Variants in PTPRT observed in about 807,000 individuals in gnomAD.
PTPRT encodes protein tyrosine phosphatase receptor type T, also known as receptor-type tyrosine-protein phosphatase T.
A neutral mutation model predicts 176.8 loss-of-function variants in PTPRT; 56 were observed. The observed-to-expected ratio is 0.32, with a 90% CI of 0.26 to 0.40. The LOEUF (loss-of-function observed/expected upper bound fraction) is 0.40. PTPRT is among the 10% of genes least tolerant of loss of function. PTPRT has a pLI of 1.00. For missense variants in PTPRT, 1,540 were observed against 1,908.2 expected (o/e 0.81, Z 3.60); for synonymous variants, 783 against 739.0 (o/e 1.06, Z -0.96).
intron 7 of PTPRT, among the ~76,000 whole-genome samples, chr20:42,635,431 G>A (rs1029628502): frequency 5.9e-5 from 9 of 152,076 alleles, no homozygotes; most frequent in East Asian, 3.9e-4. Context: ...GATGAAATTC[G>A]TGAACAAGAA....
chr20:42,877,552 T>A (rs2078953949), intron 2 of PTPRT, among the ~76,000 whole-genome samples: 2 of 152,166 alleles, frequency 1.3e-5, no homozygotes, highest in African/African-American at 4.8e-5. Flanking sequence ...GAGGGGGCAC[T>A]GAGGCTCAAG....
At chr20:42,381,742 C>T (rs181774661) in intron 9 of PTPRT, among the ~76,000 whole-genome samples, 90 of 152,196 alleles carry the variant, frequency 5.9e-4, no homozygotes, top group African/African-American at 2.0e-3. Context: ...GTAAATGACC[C>T]GATTAGTCTT....
At chr20:42,225,409 C>T (rs1034796591) in intron 15 of PTPRT, among the ~76,000 whole-genome samples, 1 of 152,166 alleles carries the variant, frequency 6.6e-6, no homozygotes, top group Non-Finnish European at 1.5e-5. Context: ...TCCCATTTTA[C>T]AGATGAGAAA....
chr20:42,233,465 CCTACCAGACTAGG>C (rs6147351), intron 15 of PTPRT, among the ~76,000 whole-genome samples: 47,696 of 151,984 alleles, frequency 0.31, 8,647 homozygotes, highest in East Asian at 0.38. Flanking sequence ...GATAATGGTA[CCTACCAGACTAGG>C]CTATTCGGAG....
At chr20:42,442,133 T>C (rs1601031896) in intron 9 of PTPRT, among the ~76,000 whole-genome samples, 2 of 152,318 alleles carry the variant, frequency 1.3e-5, no homozygotes, top group Non-Finnish European at 2.9e-5. Flanking sequence ...AGGAACCTTC[T>C]CTGGGCCTCT....
rs902093394 is a variant in PTPRT at position 42,530,475 on chromosome 20, T to C, written c.1154-57913A>G. Among the ~76,000 whole-genome samples the C allele has an allele frequency of 2.6e-5, 4 of 152,290 alleles. No individual in the cohort carries two copies. The South Asian group carries it at 6.2e-4, about 24-fold the overall frequency. The stretch of plus-strand genomic sequence containing the variant: ...GGAGGTATAAACTGCTGCGTGAGCA[T>C]TGAATCTAAAACAGTTAGCTTAGCC... On this transcript the variant is annotated intron_variant, in intron 7 of 30. Transcript: ENST00000373187.
At chr20:43,098,106 C>T (rs371171111) in intron 1 of PTPRT, among the ~76,000 whole-genome samples, 1 of 152,170 alleles carries the variant, frequency 6.6e-6, no homozygotes, top group South Asian at 2.1e-4. Context: ...CAGAGCCAGC[C>T]GGCCCAGCCA....
At chr20:42,286,503 G>A (rs2057232628) in intron 12 of PTPRT, among the ~76,000 whole-genome samples, 1 of 151,816 alleles carries the variant, frequency 6.6e-6, no homozygotes, top group South Asian at 2.1e-4. Context: ...TCTTCAATAA[G>A]TGGTGCTAAG....
At chr20:42,274,498 C>A (rs2056992330) in intron 13 of PTPRT, among the ~76,000 whole-genome samples, 1 of 150,156 alleles carries the variant, frequency 6.7e-6, no homozygotes, top group African/African-American at 2.5e-5. Context: ...TTTGAGGATT[C>A]ATTACCCTTC....
chr20:42,423,926 G>A (rs1178768616), intron 9 of PTPRT, among the ~76,000 whole-genome samples: 5 of 151,970 alleles, frequency 3.3e-5, no homozygotes, highest in African/African-American at 1.2e-4. Flanking sequence ...CAGGTACTAG[G>A]AGAAAAAAAT....
At chr20:42,932,422 G>C (rs768756279) in intron 1 of PTPRT, among the ~76,000 whole-genome samples, 2 of 152,214 alleles carry the variant, frequency 1.3e-5, no homozygotes, top group Non-Finnish European at 2.9e-5. Context: ...AAAGAGGACA[G>C]AGAACTAAGC....
intron 2 of PTPRT, among the ~76,000 whole-genome samples, chr20:42,815,649 A>G (rs1449628226): frequency 6.6e-6 from 1 of 152,206 alleles, no homozygotes; most frequent in Non-Finnish European, 1.5e-5. Flanking sequence ...CAAAATGATC[A>G]CTGATATTTG....
At chr20:43,083,976 C>T (rs1325786252) in intron 1 of PTPRT, among the ~76,000 whole-genome samples, 1 of 152,196 alleles carries the variant, frequency 6.6e-6, no homozygotes, top group Non-Finnish European at 1.5e-5. Flanking sequence ...CCATCCATTT[C>T]ATTTCCTTGC....
At chr20:43,086,322 C>A (rs1271716945) in intron 1 of PTPRT, among the ~76,000 whole-genome samples, 1 of 152,238 alleles carries the variant, frequency 6.6e-6, no homozygotes, top group African/African-American at 2.4e-5. Context: ...CAACCAGAGT[C>A]ATGTTTCTTC....
intron 7 of PTPRT, among the ~76,000 whole-genome samples, chr20:42,661,449 C>A (rs2075221488): frequency 6.6e-6 from 1 of 151,256 alleles, no homozygotes; most frequent in African/African-American, 2.4e-5. Flanking sequence ...AGGTTACTTT[C>A]AAATTTCAAA....
chr20:43,071,513 G>A (rs1209730685), intron 1 of PTPRT, among the ~76,000 whole-genome samples: 6 of 152,138 alleles, frequency 3.9e-5, no homozygotes, highest in South Asian at 4.1e-4. Context: ...GGCCAGGCGC[G>A]GTGGCTCATG....
At chr20:42,904,230 G>C (rs1291496896) in intron 1 of PTPRT, among the ~76,000 whole-genome samples, 2 of 152,068 alleles carry the variant, frequency 1.3e-5, no homozygotes, top group African/African-American at 4.8e-5. Context: ...GATCCTATGA[G>C]AGCAGCCTCT....
intron 7 of PTPRT, among the ~76,000 whole-genome samples, chr20:42,629,886 A>G (rs556613203): frequency 6.6e-6 from 1 of 152,276 alleles, no homozygotes; most frequent in Non-Finnish European, 1.5e-5. Flanking sequence ...GGGAAAAATG[A>G]TACTCTTAGC....
intron 2 of PTPRT, among the ~76,000 whole-genome samples, chr20:42,873,398 G>A (rs1162822632): frequency 1.2e-4 from 18 of 152,194 alleles, no homozygotes; most frequent in Admixed American, 1.2e-3. Flanking sequence ...CACAGAATGA[G>A]TGCTTTATAA....
Sources: gnomAD v4.1 joint callset for allele counts (sites outside exome capture counted in the v4.1 genomes callset) on GRCh38, gnomAD v4.1.1 for gene constraint, MANE v1.5 for transcripts, NCBI Gene and HGNC (gene_info 2026-07-23, HGNC 2026-07-21) for gene names.